The following LRP5 variants were observed in gnomAD, a reference collection of about 807,000 sequenced individuals.
The protein encoded by LRP5 is low-density lipoprotein receptor-related protein 5.
LRP5 carries 62 observed loss-of-function variants against 154.1 expected under a neutral mutation model. The observed-to-expected ratio is 0.40, with a 90% CI of 0.33 to 0.50. The LOEUF is 0.50. Ranked by LOEUF, LRP5 falls within the 20% of genes least tolerant of loss-of-function variation. The pLI is 0.55. For missense variants in LRP5, 1,915 were observed against 2,336.7 expected (o/e 0.82, Z 3.72); for synonymous variants, 966 against 1,011.5 (o/e 0.96, Z 0.85).
At chr11:68,341,371 G>T (rs1053030269) in intron 1 of LRP5, among the ~76,000 whole-genome samples, 1 of 151,976 alleles carries the variant, frequency 6.6e-6, no homozygotes. Context: ...CAGAACTGAG[G>T]CTCCAAGGTG....
chr11:68,441,999 G>A (rs907490765), intron 21 of LRP5, among the ~76,000 whole-genome samples: 30 of 152,222 alleles, frequency 2.0e-4, no homozygotes, highest in Non-Finnish European at 3.5e-4. Flanking sequence ...CCCCCATGAC[G>A]CCAAGCAGGA....
At chr11:68,399,314 C>T (rs1026075381) in intron 7 of LRP5, among the ~76,000 whole-genome samples, 2 of 151,662 alleles carry the variant, frequency 1.3e-5, no homozygotes, top group East Asian at 1.9e-4. Flanking sequence ...GAGGTTGCAG[C>T]GAGCCAAGAT....
chr11:68,409,050 GGA>G (rs2098657368), intron 9 of LRP5, among the ~76,000 whole-genome samples: 2 of 9,350 alleles, frequency 2.1e-4, no homozygotes, highest in African/African-American at 3.5e-4. Flanking sequence ...ACTTATCTGG[GGA>G]AAAAAAAAAA....
intron 12 of LRP5, among the ~76,000 whole-genome samples, chr11:68,416,036 C>T (rs1274092435): frequency 2.6e-5 from 4 of 151,514 alleles, no homozygotes; most frequent in Non-Finnish European, 4.4e-5. Flanking sequence ...GCGTGGGCAA[C>T]AGTGCGAGAC....
rs748395047 is a variant in LRP5 at position 68,439,794 on chromosome 11, T to C, written c.4366T>C (p.Ser1456Pro). 3.1e-6 allele frequency: 5 copies of C among 1,611,500 alleles called. No individual in the cohort carries two copies. Among genetic ancestry groups the C allele is most frequent in the Non-Finnish European group, 4.2e-6 (5 of 1,179,610 alleles). Residue 1456 changes from serine to proline, a missense_variant, in exon 21 of 23, where the codon TCC becomes CCC. Coordinates refer to ENST00000294304, the MANE Select transcript of LRP5 (RefSeq NM_002335.4). ...GPFTGIACGK[S>P]MMSSVSLMGG... Reference sequence around the variant, plus strand: ...CCTGCCAGGCATCGCATGCGGAAAGTCCATGATGAGCTCCGTGAGCCTGAT... The same window carrying C: ...CCTGCCAGGCATCGCATGCGGAAAGCCCATGATGAGCTCCGTGAGCCTGAT...
chr11:68,304,355 C>A, the LRP5 span, among the ~76,000 whole-genome samples: 1 of 152,230 alleles, frequency 6.6e-6, no homozygotes, highest in Non-Finnish European at 1.5e-5. Context: ...GTGCAGAGTG[C>A]AAGAGTGAAG....
chr11:68,316,071 C>T (rs2098593197), intron 1 of LRP5, among the ~76,000 whole-genome samples: 1 of 152,080 alleles, frequency 6.6e-6, no homozygotes, highest in Non-Finnish European at 1.5e-5. Context: ...AAAATAAAAC[C>T]CATACCCATT....
intron 1 of LRP5, among the ~76,000 whole-genome samples, chr11:68,315,019 C>CGGG (rs1263192402): frequency 6.6e-6 from 1 of 152,148 alleles, no homozygotes; most frequent in African/African-American, 2.4e-5. Context: ...CTCACACACA[C>CGGG]GGGTGGGGGA....
rs140958524 is a variant in LRP5 at position 68,406,609 on chromosome 11, C to A, written c.1887C>A (p.Ile629=). 1.1e-5 allele frequency: 17 copies of A among 1,614,036 alleles called. No individual in the cohort carries two copies. Among genetic ancestry groups the A allele is most frequent in the Non-Finnish European group, 1.3e-5 (15 of 1,180,040 alleles). ...ACGCAACCCGGTGTGGCTGCCCCAT[C>A]GGCCTGGAGCTGCTGAGTGACATGA... ...TPHATRCGCP[I]GLELLSDMKT... Residue 629 remains isoleucine (I), a synonymous_variant, in exon 9 of 23, where the codon ATC becomes ATA. Transcript: ENST00000294304.
chr11:68,378,168 T>A (rs1411235658), intron 5 of LRP5, among the ~76,000 whole-genome samples: 1 of 120 alleles, frequency 8.3e-3, no homozygotes, highest in Non-Finnish European at 0.014. Flanking sequence ...TTATCTTGTT[T>A]GTTTGTGAAA....
rs1471916453 is a variant in LRP5, at chr11:68,447,784, C to T, written c.4587-1025C>T. Among the ~76,000 whole-genome samples, 4 of 152,272 alleles carry T rather than the reference C, an allele frequency of 2.6e-5. No individual in the cohort carries two copies. Among genetic ancestry groups the T allele is most frequent in the East Asian group, 1.9e-4 (1 of 5,166 alleles). ...CATTGCAGGCCCCTCTGTGACAGGACGGGGGCTCCTAAACACACCACAGTT... is the reference window on the plus strand; with the variant it reads ...CATTGCAGGCCCCTCTGTGACAGGATGGGGGCTCCTAAACACACCACAGTT... On this transcript the variant is annotated intron_variant, in intron 22 of 22. Coordinates refer to ENST00000294304, the MANE Select transcript of LRP5 (RefSeq NM_002335.4). This position sits in a 1 kb window ranked among gnomAD's most constrained non-coding sequence, Gnocchi z 4.3.
chr11:68,390,644 C>T (rs1300823116), intron 7 of LRP5, among the ~76,000 whole-genome samples: 13 of 148,922 alleles, frequency 8.7e-5, no homozygotes, highest in Admixed American at 6.7e-4. Flanking sequence ...GACGCAGCCT[C>T]GCCCTGCCGC....
chr11:68,393,638 G>A (rs1197327078), intron 7 of LRP5, among the ~76,000 whole-genome samples: 3 of 152,008 alleles, frequency 2.0e-5, no homozygotes, highest in African/African-American at 7.3e-5. Context: ...AAAATTAGCC[G>A]GGTGTGGCAG....
chr11:68,391,916 G>A (rs1228978542), intron 7 of LRP5, among the ~76,000 whole-genome samples: 18 of 152,156 alleles, frequency 1.2e-4, no homozygotes, highest in South Asian at 2.1e-4. Context: ...ATCACGGCTC[G>A]CTGTAGCCTC....
chr11:68,440,924 ACGCC>A (rs1443460272), intron 21 of LRP5, among the ~76,000 whole-genome samples: 1 of 151,692 alleles, frequency 6.6e-6, no homozygotes, highest in Non-Finnish European at 1.5e-5. Context: ...ATGTGCCACC[ACGCC>A]CAGCTAATTT....
chr11:68,376,445 A>G (rs2098637399), intron 5 of LRP5, among the ~76,000 whole-genome samples: 1 of 151,984 alleles, frequency 6.6e-6, no homozygotes, highest in South Asian at 2.1e-4. Context: ...TGGCCTCCCA[A>G]AGTGCTGGGA....
At position 68,413,646 on chromosome 11, in the gene LRP5, G is replaced by C; in HGVS notation, c.2504-43G>C. 1 of 1,581,214 alleles carries C rather than the reference G, an allele frequency of 6.3e-7. No homozygotes were observed. The highest frequency in any genetic ancestry group is 8.7e-7 in the Non-Finnish European group (1 of 1,151,252). Reference sequence around the variant, plus strand: ...CAGGGCGCCGTGTGCTCTGTGGCCTGGCTGTGCCTTTGCTGACACCGTGCC... The same window carrying C: ...CAGGGCGCCGTGTGCTCTGTGGCCTCGCTGTGCCTTTGCTGACACCGTGCC... On this transcript the variant is annotated intron_variant, in intron 11 of 22. Transcript: ENST00000294304. This position sits in a 1 kb window ranked among gnomAD's most constrained non-coding sequence, Gnocchi z 5.1.
In LRP5 at chr11:68,386,216, G is replaced by T; in HGVS notation, c.1016-100G>T. ...CCAGCCTTTGCAAGGAGAGCCCTGG[G>T]GGCCTGGCTGAGTATTTCCCTTGCC... On this transcript the variant is annotated intron_variant, in intron 5 of 22. Transcript: ENST00000294304. The surrounding 1 kb of genome is among the most constrained non-coding windows in gnomAD (Gnocchi z 7.9). 1 of 1,458,952 alleles carries T rather than the reference G, an allele frequency of 6.9e-7. No homozygotes were observed. The highest frequency in any genetic ancestry group is 9.5e-7 in the Non-Finnish European group (1 of 1,055,448). The allele number at this position is 1,458,952 out of a possible 1,614,324, so 90.4% of individuals were successfully genotyped here.
chr11:68,446,164 C>G (rs561040525), intron 21 of LRP5, among the ~76,000 whole-genome samples: 2 of 152,350 alleles, frequency 1.3e-5, no homozygotes, highest in South Asian at 2.1e-4. Flanking sequence ...CACAGCCCAG[C>G]ATCTGGTCAC....
Sources: gnomAD v4.1 joint callset for allele counts (sites outside exome capture counted in the v4.1 genomes callset) on GRCh38, gnomAD v4.1.1 for gene constraint, Gnocchi (gnomAD v3.1) non-coding constraint, MANE v1.5 for transcripts, NCBI Gene and HGNC (gene_info 2026-07-23, HGNC 2026-07-21) for gene names.